The following C10orf90 variants were observed in gnomAD, a reference collection of about 807,000 sequenced individuals.
The protein encoded by C10orf90 is (E2-independent) E3 ubiquitin-conjugating enzyme FATS.
A neutral mutation model predicts 62.5 loss-of-function variants in C10orf90; 56 were observed. That is an observed-to-expected ratio of 0.90 (90% CI 0.72 to 1.12). The LOEUF is 1.12. C10orf90 is among the 50% of genes most tolerant of loss of function. The pLI, the probability that C10orf90 is intolerant of heterozygous loss-of-function variation, is 0.00. For missense variants in C10orf90, 970 were observed against 880.4 expected (o/e 1.10, Z -1.29); for synonymous variants, 386 against 340.4 (o/e 1.13, Z -1.47).
chr10:126,469,751 C>A (rs1564814802), intron 4 of C10orf90: 3 of 399,702 alleles, frequency 7.5e-6, no homozygotes. Flanking sequence ...CTTCCTCTCA[C>A]CTGGGTTCTC....
At chr10:126,578,296 GACAA>G (rs137903485) in intron 2 of C10orf90, among the ~76,000 whole-genome samples, 5,995 of 152,134 alleles carry the variant, frequency 0.039, 384 homozygotes, top group African/African-American at 0.14. Flanking sequence ...GTAATAAAAA[GACAA>G]ACAACCCAAT....
At chr10:126,575,286 C>T (rs1424451721) in intron 2 of C10orf90, among the ~76,000 whole-genome samples, 1 of 151,770 alleles carries the variant, frequency 6.6e-6, no homozygotes, top group Non-Finnish European at 1.5e-5. Flanking sequence ...TAGAACTGAG[C>T]TGAAAAAGAA....
chr10:126,583,151 C>T (rs1447554926), intron 2 of C10orf90, among the ~76,000 whole-genome samples: 1 of 152,172 alleles, frequency 6.6e-6, no homozygotes, highest in African/African-American at 2.4e-5. Flanking sequence ...GGGACAAAAC[C>T]ACCCCGTCAA....
chr10:126,553,219 A>T (rs12261784), intron 2 of C10orf90, among the ~76,000 whole-genome samples: 83 of 152,342 alleles, frequency 5.4e-4, no homozygotes, highest in African/African-American at 1.9e-3. Context: ...AAGATAATGA[A>T]AAATCAAGCC....
At position 126,605,645 on chromosome 10, in the gene C10orf90, A is replaced by T. The variant is rs370220596; in HGVS notation, c.313+40920T>A. Among the ~76,000 whole-genome samples, 8 of 152,214 alleles carry T rather than the reference A, an allele frequency of 5.3e-5. No homozygotes were observed. The South Asian group carries it at 1.2e-3, about 24-fold the overall frequency. On this transcript the variant is annotated intron_variant, in intron 2 of 9. Coordinates refer to ENST00000488181, the MANE Select transcript of C10orf90 (RefSeq NM_001350921.2). ...TAGCCAAGGAGAAAAGGAGGTTCCAAGGTCTCCCGCTGGTGCCGTGAAGAT... is the reference window on the plus strand; with the variant it reads ...TAGCCAAGGAGAAAAGGAGGTTCCATGGTCTCCCGCTGGTGCCGTGAAGAT...
intron 7 of C10orf90, among the ~76,000 whole-genome samples, chr10:126,439,890 C>T (rs548617434): frequency 1.1e-4 from 17 of 152,220 alleles, no homozygotes; most frequent in African/African-American, 1.7e-4. Flanking sequence ...GAGGTAGCAG[C>T]GGGAAAGGCC....
At chr10:126,576,551 C>G (rs1844614499) in intron 2 of C10orf90, among the ~76,000 whole-genome samples, 1 of 151,456 alleles carries the variant, frequency 6.6e-6, no homozygotes, top group Non-Finnish European at 1.5e-5. Flanking sequence ...CTCTATGATT[C>G]AGCAATCCCA....
Position 126,505,081 on chromosome 10 carries a change from G to C in C10orf90, c.410C>G (p.Thr137Ser). 1 of 1,602,866 alleles carries C rather than the reference G, an allele frequency of 6.2e-7. No individual in the cohort carries two copies. The highest frequency in any genetic ancestry group is 8.5e-7 in the Non-Finnish European group (1 of 1,173,656). ...TEAKSDFTKE[T>S]LASQNTKMIS... ...CATTTTTGTGTTTTGTGATGCCAGG[G>C]TCTCCTGCAAATAGAAAAAGATCCC... Residue 137 changes from threonine (T) to serine (S), a missense_variant, in exon 4 of 10, where the codon ACC (threonine) becomes AGC (serine). By Grantham distance (58) the Thr-to-Ser change is moderately conservative. Transcript: ENST00000488181.
chr10:126,562,029 T>C (rs919258589), intron 2 of C10orf90, among the ~76,000 whole-genome samples: 10 of 152,202 alleles, frequency 6.6e-5, no homozygotes, highest in African/African-American at 2.4e-4. Context: ...TGGAGAGTCC[T>C]GGGTGCCGCC....
chr10:126,532,795 C>A (rs951826111), intron 2 of C10orf90, among the ~76,000 whole-genome samples: 2 of 100,184 alleles, frequency 2.0e-5, no homozygotes, highest in African/African-American at 8.2e-5. Flanking sequence ...CGAGATCGCG[C>A]CACTGCACTC....
chr10:126,555,753 C>T (rs1168275782), intron 2 of C10orf90, among the ~76,000 whole-genome samples: 1 of 151,090 alleles, frequency 6.6e-6, no homozygotes, highest in Non-Finnish European at 1.5e-5. Context: ...ATCAAATCCT[C>T]CAAATTTACA....
chr10:126,610,755 A>G (rs554055786), intron 2 of C10orf90, among the ~76,000 whole-genome samples: 1 of 152,328 alleles, frequency 6.6e-6, no homozygotes, highest in South Asian at 2.1e-4. Flanking sequence ...ATTTTTATCT[A>G]TAGCTATCAT....
At chr10:126,450,513 G>A (rs1281970621) in intron 7 of C10orf90, among the ~76,000 whole-genome samples, 1 of 152,148 alleles carries the variant, frequency 6.6e-6, no homozygotes, top group Non-Finnish European at 1.5e-5. Flanking sequence ...TGATGGAACA[G>A]ACTGGAAAGC....
Position 126,654,512 on chromosome 10 carries a change from G to T in C10orf90, c.241-7875C>A, listed in dbSNP as rs7907850. Among the ~76,000 whole-genome samples, 93 of 152,334 alleles carry T rather than the reference G, an allele frequency of 6.1e-4. 1 individual carries two copies. Among genetic ancestry groups the T allele is most frequent in the South Asian group, 1.9e-3 (9 of 4,830 alleles). ...TATGGCTGGATTAGGCCTTGGCTTA[G>T]GGGAATGTTGTGGCTGGATTGATCT... On this transcript the variant is annotated intron_variant, in intron 1 of 9. Transcript: ENST00000488181.
In C10orf90 at chr10:126,503,948, A is replaced by G. The variant is rs1002965067; in HGVS notation, c.1534+9T>C. The G allele has an allele frequency of 4.4e-6, 7 of 1,601,296 alleles. No individual in the cohort carries two copies. The African/African-American group carries it at 6.7e-5, about 15-fold the overall frequency. On this transcript the variant is annotated intron_variant, in intron 4 of 9. Transcript: ENST00000488181. ...AGGTCACCCTCCTGCAGATGGACGC[A>G]CCACTCACCTGCCCTGTAACTCCAG...
At chr10:126,563,706 T>C (rs7091399) in intron 2 of C10orf90, among the ~76,000 whole-genome samples, 74,894 of 152,030 alleles carry the variant, frequency 0.49, 18,633 homozygotes, top group African/African-American at 0.54. Context: ...CAACCCATGG[T>C]ATCCTGCCTC....
chr10:126,632,355 T>C (rs1591160444), intron 2 of C10orf90, among the ~76,000 whole-genome samples: 1 of 151,924 alleles, frequency 6.6e-6, no homozygotes, highest in South Asian at 2.1e-4. Flanking sequence ...CCCCAGATCA[T>C]TGGCCCCCAC....
At chr10:126,565,155 TATA>T (rs1404152724) in intron 2 of C10orf90, among the ~76,000 whole-genome samples, 2 of 61,224 alleles carry the variant, frequency 3.3e-5, no homozygotes, top group Non-Finnish European at 5.9e-5. Flanking sequence ...AAATATGTAA[TATA>T]ATATTTATAT....
intron 2 of C10orf90, among the ~76,000 whole-genome samples, chr10:126,617,666 G>A (rs1845568476): frequency 6.6e-6 from 1 of 152,204 alleles, no homozygotes; most frequent in Non-Finnish European, 1.5e-5. Context: ...AACTTCCAAG[G>A]TCTTTGCTAG....
Sources: allele counts gnomAD v4.1 joint callset (sites outside exome capture counted in the v4.1 genomes callset), GRCh38; gene constraint gnomAD v4.1.1; transcripts MANE v1.5; gene names NCBI Gene and HGNC (gene_info 2026-07-23, HGNC 2026-07-21).